Variants in PAXBP1 observed in about 807,000 individuals in gnomAD.
The protein encoded by PAXBP1 is PAX3 and PAX7 binding protein 1.
PAXBP1 carries 44 observed loss-of-function variants against 119.9 expected under a neutral mutation model. The ratio of observed to expected loss-of-function variants is 0.37; its 90% confidence interval spans 0.29 to 0.47. The LOEUF is 0.47. Among genes scored for constraint, PAXBP1 ranks in the 20% least tolerant of loss-of-function variants. PAXBP1 has a pLI of 0.99. For synonymous variants in PAXBP1, 393 were observed against 406.6 expected (o/e 0.97, Z 0.40); for missense variants, 898 against 1,134.1 (o/e 0.79, Z 2.99).
intron 11 of PAXBP1, among the ~76,000 whole-genome samples, chr21:32,747,689 TA>T (rs1485130818): frequency 4.6e-5 from 7 of 152,146 alleles, no homozygotes; most frequent in Non-Finnish European, 1.0e-4. Context: ...TGGTAACTTC[TA>T]AAACCACATT....
chr21:32,759,495 C>G (rs2044102108), intron 6 of PAXBP1: 3 of 607,608 alleles, frequency 4.9e-6, no homozygotes, highest in East Asian at 5.7e-5. Flanking sequence ...TTTGCTTTTC[C>G]CCCCATAGCG....
Position 32,753,439 on chromosome 21 carries a change from A to AC in PAXBP1, c.1507+1790_1507+1791insG, listed in dbSNP as rs1365238152. Among the ~76,000 whole-genome samples the AC allele has an allele frequency of 4.6e-5, 7 of 151,970 alleles. No individual in the cohort carries two copies. The South Asian group carries it at 1.2e-3, about 27-fold the overall frequency. On this transcript the variant is annotated intron_variant, in intron 8 of 17. Transcript: ENST00000331923. ...AGACTCCGTCTCAAAAAAAAAAAAA[A>AC]AAAAAAAACATTATACTTAAAACAT... is the stretch of plus-strand genomic sequence containing the variant.
intron 5 of PAXBP1, 83 bp from the exon 6 acceptor site, chr21:32,760,077 CA>C: frequency 8.9e-7 from 1 of 1,127,562 alleles, no homozygotes; most frequent in South Asian, 1.6e-5. Context: ...AAAAAATCAA[CA>C]GCAAAAATTA....
chr21:32,751,731 T>C (rs1296682563), intron 8 of PAXBP1: 1 of 152,878 alleles, frequency 6.5e-6, no homozygotes, highest in Non-Finnish European at 1.5e-5. Flanking sequence ...ATTTTTAGAA[T>C]AAGGCATCTG....
chr21:32,771,421 G>A lies in PAXBP1; in HGVS notation c.248C>T (p.Ala83Val), dbSNP rs757278397. ...AEAGGGFPGGAEPGNGLKPRK... is the reference protein window; with the variant it reads ...AEAGGGFPGGVEPGNGLKPRK... ...CGGCTTCAGCCCGTTGCCGGGCTCC[G>A]CGCCGCCGGGGAAGCCGCCCCCGGC... The change falls in exon 1 of 18, where the codon GCG becomes GTG. Residue 83 changes from alanine to valine, a missense_variant. By Grantham distance (64) the Ala-to-Val change is moderately conservative. Around this residue, in one of 2 missense-constraint regions of PAXBP1, gnomAD observed 299 missense variants for 281.4 expected, o/e 1.06. Coordinates refer to ENST00000331923, the MANE Select transcript of PAXBP1 (RefSeq NM_016631.4). The A allele has an allele frequency of 6.5e-6, 10 of 1,539,706 alleles. No homozygotes were observed. In the East Asian group the frequency reaches 2.4e-4, roughly 37 times the overall value.
At chr21:32,766,565 G>C (rs147199126) in intron 2 of PAXBP1, among the ~76,000 whole-genome samples, 14 of 152,248 alleles carry the variant, frequency 9.2e-5, no homozygotes, top group African/African-American at 3.4e-4. Flanking sequence ...GGTCCCTCTA[G>C]TTATTGCCTA....
chr21:32,737,608 C>T (rs1435464508), intron 16 of PAXBP1, 200 bp from the exon 17 acceptor site: 5 of 402,786 alleles, frequency 1.2e-5, no homozygotes, highest in African/African-American at 2.1e-5. Context: ...TTACCCCAAC[C>T]AATGGGTTAG....
chr21:32,748,219 C>A (rs572358666), intron 11 of PAXBP1, among the ~76,000 whole-genome samples: 1 of 152,188 alleles, frequency 6.6e-6, no homozygotes, highest in South Asian at 2.1e-4. Flanking sequence ...ATGTTCATAT[C>A]CCAGTGTTAC....
intron 2 of PAXBP1, among the ~76,000 whole-genome samples, chr21:32,766,812 T>C (rs2044249338): frequency 6.6e-6 from 1 of 152,236 alleles, no homozygotes; most frequent in Non-Finnish European, 1.5e-5. Context: ...CTCCCATCCA[T>C]CCTGTCAGAA....
At position 32,737,285 on chromosome 21, in the gene PAXBP1, C is replaced by T. The variant is rs867702535; in HGVS notation, c.2605G>A (p.Gly869Arg). The T allele has an allele frequency of 3.9e-5, 62 of 1,571,920 alleles. No individual in the cohort carries two copies. The highest frequency in any genetic ancestry group is 5.2e-5 in the Non-Finnish European group (60 of 1,157,236). The change falls in exon 17 of 18, where the codon GGG becomes AGG. Residue 869 changes from glycine to arginine, a missense_variant. Gly to Arg is a moderately radical substitution (Grantham distance 125). Transcript: ENST00000331923. Reference protein sequence around the residue: ...LADTIYRNSIGCSDVEKRNAR... With the variant: ...LADTIYRNSIRCSDVEKRNAR... ...TTTCTTTTTTCCACATCAGAACACC[C>T]GATACTATTTCTATAAATTGTATCC...
chr21:32,755,679 T>C (rs1239229053), intron 7 of PAXBP1: 1 of 181,086 alleles, frequency 5.5e-6, no homozygotes, highest in Non-Finnish European at 1.1e-5. Context: ...TTTAAGTACT[T>C]AGAAGTCTTT....
At chr21:32,759,043 G>A in intron 7 of PAXBP1, 37 bp downstream of exon 7, 2 of 1,598,616 alleles carry the variant, frequency 1.3e-6, no homozygotes, top group Non-Finnish European at 1.7e-6. Context: ...CCCTAATTTT[G>A]CCTTATTCAA....
At chr21:32,745,013 T>C in intron 12 of PAXBP1, 100 bp from the exon 13 acceptor site, 1 of 1,312,946 alleles carries the variant, frequency 7.6e-7, no homozygotes, top group Non-Finnish European at 1.1e-6. Context: ...TTATTTTTCC[T>C]CTTTTTCTAC....
At chr21:32,753,425 C>CAAAAAAA (rs757858309) in intron 8 of PAXBP1, among the ~76,000 whole-genome samples, 2 of 90,992 alleles carry the variant, frequency 2.2e-5, no homozygotes, top group Admixed American at 1.1e-4. Flanking sequence ...GACTCCGTCT[C>CAAAAAAA]AAAAAAAAAA....
chr21:32,770,057 C>G, intron 1 of PAXBP1, 115 bp from the exon 2 acceptor site: 1 of 697,140 alleles, frequency 1.4e-6, no homozygotes, highest in Non-Finnish European at 2.2e-6. Context: ...ACTCATATGC[C>G]AAAATCATTG....
At position 32,737,330 on chromosome 21, in the gene PAXBP1, G is replaced by T; in HGVS notation, c.2560C>A (p.Arg854=). ...GTATCCGCTAAGTGTACAAGGTATC[G>T]GCAAAAGTTTTCTAACTGAGAAATA... is the stretch of plus-strand genomic sequence containing the variant. ...RTISQLENFC[R]YLVHLADTIY... is the part of the protein sequence containing the mutation. Residue 854 remains arginine, a synonymous_variant, in exon 17 of 18, where the codon CGA becomes AGA. Coordinates refer to ENST00000331923, the MANE Select transcript of PAXBP1 (RefSeq NM_016631.4). 6.2e-7 allele frequency: 1 copy of T among 1,608,594 alleles called. No individual in the cohort carries two copies. Among genetic ancestry groups the T allele is most frequent in the Non-Finnish European group, 8.5e-7 (1 of 1,177,226 alleles).
chr21:32,759,383 T>C (rs2044098915), intron 6 of PAXBP1, 114 bp from the exon 7 acceptor site: 1 of 1,052,854 alleles, frequency 9.5e-7, no homozygotes. Context: ...ATAAAAATAT[T>C]TGGAATGGCA....
chr21:32,744,055 TTCTCTACATTTAAACAGCTTCTATG>T (rs2043830836), intron 13 of PAXBP1, among the ~76,000 whole-genome samples: 2 of 152,122 alleles, frequency 1.3e-5, no homozygotes, highest in Admixed American at 6.5e-5. Context: ...AGCACCCACC[TTCTCTACATTTAAACAGCTTCTATG>T]AATGGCCCCT....
chr21:32,744,708 G>C (rs748111989), intron 13 of PAXBP1, 84 bp downstream of exon 13: 13 of 1,373,814 alleles, frequency 9.5e-6, no homozygotes, highest in Non-Finnish European at 1.3e-5. Context: ...GATTGGTTTA[G>C]GATAACCACT....
Sources: allele counts gnomAD v4.1 joint callset (sites outside exome capture counted in the v4.1 genomes callset), GRCh38; gene constraint gnomAD v4.1.1; regional missense constraint gnomAD v4.1.1; transcripts MANE v1.5; gene names NCBI Gene and HGNC (gene_info 2026-07-23, HGNC 2026-07-21).